The following ASAP2 variants were observed in gnomAD, a reference collection of about 807,000 sequenced individuals.
ASAP2 encodes arf-GAP with SH3 domain, ANK repeat and PH domain-containing protein 2.
In ASAP2, 45 loss-of-function variants were observed where a neutral mutation model predicts 131.4. The observed-to-expected ratio is 0.34, with a 90% CI of 0.27 to 0.44. ASAP2 has a LOEUF of 0.44. ASAP2 is among the 20% of genes least tolerant of loss of function. ASAP2 has a pLI of 1.00. For missense variants in ASAP2, 1,011 were observed against 1,297.0 expected, an observed-to-expected ratio of 0.78 and a Z score of 3.39; for synonymous variants, 510 against 503.0, an observed-to-expected ratio of 1.01 and a Z score of -0.19.
intron 1 of ASAP2, among the ~76,000 whole-genome samples, chr2:9,267,298 C>T (rs912967358): frequency 6.6e-6 from 1 of 152,122 alleles, no homozygotes; most frequent in Non-Finnish European, 1.5e-5. Flanking sequence ...CTCTCCACAT[C>T]TCTCCGCTCT....
At chr2:9,255,149 T>C (rs905895436) in intron 1 of ASAP2, among the ~76,000 whole-genome samples, 3 of 152,246 alleles carry the variant, frequency 2.0e-5, no homozygotes, top group African/African-American at 7.2e-5. Context: ...TTAATTTATA[T>C]TTCCCTGGTA....
chr2:9,255,134 G>A (rs1340035521), intron 1 of ASAP2, among the ~76,000 whole-genome samples: 2 of 152,132 alleles, frequency 1.3e-5, no homozygotes, highest in Non-Finnish European at 2.9e-5. Context: ...GAATCTTATT[G>A]TGGTTTAATT....
intron 1 of ASAP2, among the ~76,000 whole-genome samples, chr2:9,275,260 CAG>C (rs1666687886): frequency 6.6e-6 from 1 of 151,954 alleles, no homozygotes; most frequent in African/African-American, 2.4e-5. Flanking sequence ...TTTGTAGAGA[CAG>C]GGTGTCACTG....
intron 6 of ASAP2, among the ~76,000 whole-genome samples, chr2:9,326,833 CT>C (rs1178712610): frequency 1.3e-5 from 2 of 152,144 alleles, no homozygotes; most frequent in African/African-American, 4.8e-5. Flanking sequence ...CCATTGTTTA[CT>C]TTTATAAACA....
Position 9,320,171 on chromosome 2 carries a change from T to C in ASAP2, c.421-117T>C, listed in dbSNP as rs1444143708. 9.8e-6 allele frequency: 8 copies of C among 819,102 alleles called. No homozygotes were observed. In the African/African-American group the frequency reaches 1.4e-4, roughly 14 times the overall value. 50.7% of individuals were successfully genotyped at this position (819,102 alleles called of 1,614,324 possible). Reference sequence around the variant, plus strand: ...GTTCTTTATTTTTCGTGGGATTACATACGTCATTTATTGCAGAAATTAATG... The same window carrying C: ...GTTCTTTATTTTTCGTGGGATTACACACGTCATTTATTGCAGAAATTAATG... On this transcript the variant is annotated intron_variant, in intron 4 of 27. Coordinates refer to ENST00000281419, the MANE Select transcript of ASAP2 (RefSeq NM_003887.3).
At chr2:9,251,490 C>T (rs870732) in intron 1 of ASAP2, among the ~76,000 whole-genome samples, 81,770 of 151,896 alleles carry the variant, frequency 0.54, 23,254 homozygotes, top group African/African-American at 0.74. Context: ...CAGCTAATCC[C>T]TGATGTCCGT....
chr2:9,323,238 A>G lies in ASAP2; in HGVS notation c.588A>G (p.Leu196=), dbSNP rs1184775384. The G allele has an allele frequency of 6.2e-7, 1 of 1,614,222 alleles. No individual in the cohort carries two copies. The change falls in exon 6 of 28, where the codon CTA becomes CTG. Residue 196 remains leucine (L), a synonymous_variant. Coordinates refer to ENST00000281419, the MANE Select transcript of ASAP2 (RefSeq NM_003887.3). ...EMEKERRFFQ[L]QMCEYLLKVN... ...AAAAGGAGAGGCGCTTCTTCCAGCT[A>G]CAGATGTGCGAGGTAAGGCGGTGGT...
chr2:9,387,071 T>TGGGG (rs1436097173), intron 21 of ASAP2, among the ~76,000 whole-genome samples: 1 of 81,046 alleles, frequency 1.2e-5, no homozygotes, highest in African/African-American at 7.0e-5. Flanking sequence ...CCGGGCTTGG[T>TGGGG]GGTGGGTGGG....
At chr2:9,330,212 A>T (rs990599134) in intron 7 of ASAP2, among the ~76,000 whole-genome samples, 13 of 152,188 alleles carry the variant, frequency 8.5e-5, no homozygotes, top group African/African-American at 3.1e-4. Context: ...ATCCAAAGTT[A>T]AAAGAGAGCT....
intron 4 of ASAP2, among the ~76,000 whole-genome samples, chr2:9,319,875 G>T (rs1670043586): frequency 6.6e-6 from 1 of 152,162 alleles, no homozygotes; most frequent in African/African-American, 2.4e-5. Context: ...CTTAAAGCAG[G>T]GTTAGATGTG....
At chr2:9,235,343 G>T (rs1290330650) in intron 1 of ASAP2, among the ~76,000 whole-genome samples, 1 of 152,196 alleles carries the variant, frequency 6.6e-6, no homozygotes, top group African/African-American at 2.4e-5. Context: ...AGGTAGCCAA[G>T]GCAGCCTTGC....
chr2:9,358,971 G>T, intron 15 of ASAP2, 82 bp downstream of exon 15: 1 of 1,492,422 alleles, frequency 6.7e-7, no homozygotes, highest in South Asian at 1.3e-5. Flanking sequence ...AATCCATTTT[G>T]GTAAGCTAGT....
At chr2:9,244,251 G>A (rs560750475) in intron 1 of ASAP2, among the ~76,000 whole-genome samples, 2 of 152,220 alleles carry the variant, frequency 1.3e-5, no homozygotes, top group South Asian at 2.1e-4. Context: ...AGCCAAGATC[G>A]CGCCACTGCA....
At chr2:9,365,781 G>A (rs912038939) in intron 15 of ASAP2, among the ~76,000 whole-genome samples, 2 of 152,144 alleles carry the variant, frequency 1.3e-5, no homozygotes, top group Admixed American at 6.5e-5. Flanking sequence ...TTGACTCATC[G>A]CTACCTTGTT....
chr2:9,399,719 C>T, intron 24 of ASAP2: 1 of 447,002 alleles, frequency 2.2e-6, no homozygotes, highest in East Asian at 4.4e-5. Context: ...GCTGAGCAGA[C>T]TCGGGGCGGG....
At chr2:9,295,837 C>G (rs961696904) in intron 2 of ASAP2, among the ~76,000 whole-genome samples, 7 of 152,188 alleles carry the variant, frequency 4.6e-5, no homozygotes, top group Non-Finnish European at 2.9e-5. Context: ...CTCTAGTCCC[C>G]CAAATGCCAC....
intron 1 of ASAP2, among the ~76,000 whole-genome samples, chr2:9,242,960 C>T (rs1406182362): frequency 4.6e-5 from 7 of 152,082 alleles, no homozygotes; most frequent in East Asian, 1.9e-4. Context: ...GCATAAGCAG[C>T]GTTGTGTGCT....
intron 16 of ASAP2, among the ~76,000 whole-genome samples, chr2:9,373,382 G>T (rs1674135737): frequency 6.6e-6 from 1 of 152,224 alleles, no homozygotes. Context: ...TGCACCCAAG[G>T]ACAAGCAGAT....
intron 2 of ASAP2, among the ~76,000 whole-genome samples, chr2:9,295,382 T>C (rs1200095204): frequency 6.6e-6 from 1 of 152,246 alleles, no homozygotes; most frequent in Non-Finnish European, 1.5e-5. Context: ...ATGTGAAGTT[T>C]GTGCTTTGAA....
Sources: allele counts gnomAD v4.1 joint callset (sites outside exome capture counted in the v4.1 genomes callset), GRCh38; gene constraint gnomAD v4.1.1; transcripts MANE v1.5; gene names NCBI Gene and HGNC (gene_info 2026-07-23, HGNC 2026-07-21).